DOCK1: variants seen among roughly 807,000 people sequenced by gnomAD.
The protein encoded by DOCK1 is dedicator of cytokinesis protein 1.
In DOCK1, 138 loss-of-function variants were observed where a neutral mutation model predicts 262.7. The ratio of observed to expected loss-of-function variants is 0.53; its 90% CI spans 0.46 to 0.61. DOCK1 has a LOEUF of 0.61. DOCK1 is among the 20% of genes least tolerant of loss of function. The pLI, the probability that DOCK1 is intolerant of heterozygous loss-of-function variation, is 0.00. For missense variants in DOCK1, 1,908 were observed against 2,370.7 expected, an observed-to-expected ratio of 0.80 and a Z score of 4.05; for synonymous variants, 866 against 867.4, an observed-to-expected ratio of 1.00 and a Z score of 0.03.
In DOCK1 at chr10:127,407,892, C is replaced by T. The variant is rs1186024685; in HGVS notation, c.4123-1145C>T. The stretch of plus-strand genomic sequence containing the variant: ...CTGTGGCTTCTGCTCGCTGTCTTCT[C>T]CTTGTGGCAGTTTTCATTTCGGTTG... On this transcript the variant is annotated intron_variant, in intron 40 of 51. Transcript: ENST00000623213. Among the ~76,000 whole-genome samples, 3 of 152,190 alleles carry T rather than the reference C, an allele frequency of 2.0e-5. No homozygotes were observed. In the East Asian group the frequency reaches 5.8e-4, roughly 30 times the overall value.
chr10:126,972,223 A>G (rs1175230999), intron 2 of DOCK1, among the ~76,000 whole-genome samples: 1 of 152,166 alleles, frequency 6.6e-6, no homozygotes, highest in Non-Finnish European at 1.5e-5. Flanking sequence ...TCCTGAAGCA[A>G]TTGTTATAAT....
chr10:126,976,194 GATACT>G (rs2038529710), intron 2 of DOCK1, among the ~76,000 whole-genome samples: 1 of 152,160 alleles, frequency 6.6e-6, no homozygotes, highest in Non-Finnish European at 1.5e-5. Flanking sequence ...GATGGGCGCT[GATACT>G]GGGCCAGCTT....
At chr10:127,004,666 C>G (rs1266357582) in intron 10 of DOCK1, among the ~76,000 whole-genome samples, 1 of 151,840 alleles carries the variant, frequency 6.6e-6, no homozygotes, top group Non-Finnish European at 1.5e-5. Context: ...GGGGGATCAC[C>G]TGAGCCTAGG....
chr10:127,377,891 CAAAAAAAAA>C (rs71490127), intron 35 of DOCK1, among the ~76,000 whole-genome samples: 2 of 104,764 alleles, frequency 1.9e-5, no homozygotes, highest in Non-Finnish European at 3.9e-5. Context: ...GACTCTGTCT[CAAAAAAAAA>C]AAAAAAAAAG....
At chr10:126,969,449 T>C (rs2037927307) in intron 1 of DOCK1, among the ~76,000 whole-genome samples, 1 of 152,194 alleles carries the variant, frequency 6.6e-6, no homozygotes, top group South Asian at 2.1e-4. Context: ...CTTGGAGGTG[T>C]GGGCAGGAAA....
At chr10:127,126,086 CT>C (rs11307702) in intron 26 of DOCK1, among the ~76,000 whole-genome samples, 103,040 of 135,278 alleles carry the variant, frequency 0.76, 38,892 homozygotes, top group East Asian at 0.89. Context: ...TACCCTATTC[CT>C]TTTTTTTTTT....
rs2049372167 is a variant in DOCK1, at chr10:127,119,082, C to T, written c.2624-6392C>T. 4.7e-5 allele frequency among the ~76,000 whole-genome samples: 7 copies of T among 148,018 alleles called. No individual in the cohort carries two copies. In the Admixed American group the frequency reaches 4.8e-4, roughly 10 times the overall value. On this transcript the variant is annotated intron_variant, in intron 25 of 51. Transcript: ENST00000623213. ...TTTTTGAGACGGAGTCTCGCTCTGT[C>T]ACCCAGGCTGGAGTGCAGTGGCGCA...
intron 27 of DOCK1, among the ~76,000 whole-genome samples, chr10:127,223,305 A>G (rs1223519194): frequency 6.6e-6 from 1 of 152,198 alleles, no homozygotes; most frequent in Non-Finnish European, 1.5e-5. Flanking sequence ...ATCATTTAGA[A>G]AGGTAAAAAT....
chr10:127,386,785 G>A (rs1224467451), intron 38 of DOCK1, among the ~76,000 whole-genome samples: 1 of 152,128 alleles, frequency 6.6e-6, no homozygotes, highest in East Asian at 1.9e-4. Context: ...CCGGTCCATG[G>A]AAAAATTTTC....
intron 1 of DOCK1, among the ~76,000 whole-genome samples, chr10:126,929,647 G>T (rs2034033949): frequency 6.6e-6 from 1 of 152,090 alleles, no homozygotes; most frequent in Non-Finnish European, 1.5e-5. Context: ...TTGGGTGAGG[G>T]CCAGGAGTGC....
chr10:127,030,756 G>A (rs77066042), intron 16 of DOCK1, among the ~76,000 whole-genome samples: 57 of 152,262 alleles, frequency 3.7e-4, no homozygotes, highest in African/African-American at 1.1e-3. Flanking sequence ...ACAATAAATA[G>A]CAACAAGATC....
In DOCK1 at chr10:127,446,314, G is replaced by A. The variant is rs1183855367; in HGVS notation, c.5414-1080G>A. On this transcript the variant is annotated intron_variant, in intron 50 of 51. Coordinates refer to ENST00000623213, the MANE Select transcript of DOCK1 (RefSeq NM_001290223.2). This position sits in a 1 kb window ranked among gnomAD's most constrained non-coding sequence, Gnocchi z 4.4. ...AGGATACTAGGGGCGGGAGAGAGGA[G>A]TGGAGAGTTACTGTTTAATGGGTAC... Among the ~76,000 whole-genome samples the A allele has an allele frequency of 3.3e-5, 5 of 152,026 alleles. No individual in the cohort carries two copies. The East Asian group carries it at 9.6e-4, about 29-fold the overall frequency.
At chr10:127,213,961 T>G (rs2134361154) in intron 27 of DOCK1, among the ~76,000 whole-genome samples, 1 of 152,310 alleles carries the variant, frequency 6.6e-6, no homozygotes, top group Non-Finnish European at 1.5e-5. Flanking sequence ...TGCCTCAGCC[T>G]CTCAAGTAGC....
At position 127,176,355 on chromosome 10, in the gene DOCK1, G is replaced by C; in HGVS notation, c.2847+48591G>C. ...GGCGGCGGGTTCCACTTCACTCTCC[G>C]ACGTTGTGAGTATGCATTTGCCGGT... is the stretch of plus-strand genomic sequence containing the variant. On this transcript the variant is annotated intron_variant, in intron 27 of 51. Coordinates refer to ENST00000623213, the MANE Select transcript of DOCK1 (RefSeq NM_001290223.2). This position sits in a 1 kb window ranked among gnomAD's most constrained non-coding sequence, Gnocchi z 4.4. The C allele has an allele frequency of 2.5e-6, 4 of 1,613,236 alleles. No individual in the cohort carries two copies. The highest frequency in any genetic ancestry group is 3.4e-6 in the Non-Finnish European group (4 of 1,179,750).
rs551048094 is a variant in DOCK1 at position 127,347,841 on chromosome 10, TC to T, written c.3224+4098del. On this transcript the variant is annotated intron_variant, in intron 31 of 51. Coordinates refer to ENST00000623213, the MANE Select transcript of DOCK1 (RefSeq NM_001290223.2). ...CATCCCCAACCCCTCAGCCTTCCCT[TC>T]CCTTCCCTTCCCTTCCCTTCCCTTC... Among the ~76,000 whole-genome samples the T allele has an allele frequency of 6.1e-4, 25 of 40,860 alleles. 3 individuals are homozygous for T. The South Asian group carries it at 0.029, about 48-fold the overall frequency. 26.8% of individuals were successfully genotyped at this position (40,860 alleles called of 152,430 possible).
chr10:126,997,620 A>T (rs1423002584), intron 7 of DOCK1, among the ~76,000 whole-genome samples: 1 of 151,802 alleles, frequency 6.6e-6, no homozygotes, highest in African/African-American at 2.4e-5. Flanking sequence ...TGATCCAGTC[A>T]CCTCCCACCA....
chr10:127,129,759 C>T (rs994020138), intron 27 of DOCK1, among the ~76,000 whole-genome samples: 5 of 152,122 alleles, frequency 3.3e-5, no homozygotes, highest in African/African-American at 1.2e-4. Flanking sequence ...CTGCCAAGAC[C>T]CTCTTGGGAT....
At chr10:127,283,479 T>C (rs1323366850) in intron 29 of DOCK1, among the ~76,000 whole-genome samples, 2 of 152,216 alleles carry the variant, frequency 1.3e-5, no homozygotes, top group African/African-American at 2.4e-5. Context: ...ATTACATTCA[T>C]TAGTTATAGA....
At chr10:127,283,308 G>A (rs1051683950) in intron 29 of DOCK1, among the ~76,000 whole-genome samples, 5 of 152,250 alleles carry the variant, frequency 3.3e-5, no homozygotes, top group African/African-American at 1.2e-4. Context: ...GGCCTGGACT[G>A]CATAGCCAGG....
Sources: allele counts gnomAD v4.1 joint callset (sites outside exome capture counted in the v4.1 genomes callset), GRCh38; gene constraint gnomAD v4.1.1; non-coding constraint Gnocchi (gnomAD v3.1); transcripts MANE v1.5; gene names NCBI Gene and HGNC (gene_info 2026-07-23, HGNC 2026-07-21).